Variants in MICAL3 observed in about 807,000 individuals in gnomAD.
MICAL3 encodes [F-actin]-monooxygenase MICAL3.
Under a neutral mutation model 207.4 loss-of-function variants are expected in MICAL3, and 62 were observed. The observed-to-expected ratio is 0.30, with a 90% CI of 0.24 to 0.37. MICAL3 has a LOEUF of 0.37. Ranked by LOEUF, MICAL3 falls within the 10% of genes least tolerant of loss-of-function variation. The probability of loss-of-function intolerance (pLI) is 1.00; values close to 1 mark genes in which losing one functional copy is unlikely to be tolerated. For synonymous variants in MICAL3, 1,077 were observed against 1,069.3 expected (o/e 1.01, Z -0.14); for missense variants, 2,368 against 2,635.6 (o/e 0.90, Z 2.22).
In MICAL3 at chr22:17,900,344, C is replaced by T. The variant is rs1420246768; in HGVS notation, c.847+498G>A. On this transcript the variant is annotated intron_variant, in intron 6 of 31. Coordinates refer to ENST00000441493, the MANE Select transcript of MICAL3 (RefSeq NM_015241.3). The surrounding 1 kb of genome is among the most constrained non-coding windows in gnomAD (Gnocchi z 4.0). ...AAACCTCAGGCTGGGTGTGGTGGCT[C>T]ACGCTTGTAATCCTAGCACTTTGGG... is the stretch of plus-strand genomic sequence containing the variant. Among the ~76,000 whole-genome samples, 2 of 152,190 alleles carry T rather than the reference C, an allele frequency of 1.3e-5. No homozygotes were observed. The highest frequency in any genetic ancestry group is 2.9e-5 in the Non-Finnish European group (2 of 68,026).
At chr22:17,956,499 G>A (rs111783879) in intron 1 of MICAL3, among the ~76,000 whole-genome samples, 2,519 of 152,258 alleles carry the variant, frequency 0.017, 69 homozygotes, top group African/African-American at 0.054. Flanking sequence ...GAGAAACCCC[G>A]TCTCTACTAA....
rs796771583 is a variant in MICAL3, at chr22:17,972,322, TG to T, written c.-75+51958del. 6.6e-5 allele frequency among the ~76,000 whole-genome samples: 10 copies of T among 152,274 alleles called. No individual in the cohort carries two copies. The South Asian group carries it at 1.0e-3, about 16-fold the overall frequency. ...GAAATGTTCAAGTCACATGGTCCAC[TG>T]GAAGGGGAAATAATTCCCAGGTAAG... is the stretch of plus-strand genomic sequence containing the variant. On this transcript the variant is annotated intron_variant, in intron 1 of 31. Coordinates refer to ENST00000441493, the MANE Select transcript of MICAL3 (RefSeq NM_015241.3).
intron 1 of MICAL3, among the ~76,000 whole-genome samples, chr22:18,018,762 A>G (rs1332245567): frequency 6.6e-6 from 1 of 151,434 alleles, no homozygotes; most frequent in East Asian, 1.9e-4. Context: ...CTATCTATCT[A>G]TCTATCTACA....
chr22:17,792,771 G>A (rs1031311909), intron 29 of MICAL3, among the ~76,000 whole-genome samples: 7 of 152,242 alleles, frequency 4.6e-5, no homozygotes, highest in Admixed American at 1.3e-4. Context: ...CTCCTCTGAA[G>A]GACGGAAACC....
At chr22:17,847,262 C>T (rs566750661) in intron 19 of MICAL3, among the ~76,000 whole-genome samples, 1 of 152,242 alleles carries the variant, frequency 6.6e-6, no homozygotes, top group Non-Finnish European at 1.5e-5. Flanking sequence ...TCTTCTGCCT[C>T]TTTCTGGCCT....
chr22:17,791,368 C>G, intron 29 of MICAL3, 67 bp from the exon 30 acceptor site: 1 of 1,359,366 alleles, frequency 7.4e-7, no homozygotes, highest in South Asian at 1.2e-5. Flanking sequence ...AGGAATCACA[C>G]GGGGCAAATG....
intron 1 of MICAL3, among the ~76,000 whole-genome samples, chr22:18,023,372 A>C (rs989368570): frequency 5.9e-5 from 9 of 152,180 alleles, no homozygotes; most frequent in Non-Finnish European, 1.2e-4. Flanking sequence ...AGAGCTAATG[A>C]ATAGCACCAC....
At chr22:17,811,531 C>T (rs1309335597) in intron 27 of MICAL3, 1 of 152,224 alleles carries the variant, frequency 6.6e-6, no homozygotes, top group African/African-American at 2.4e-5. Flanking sequence ...GGCTGTTGCG[C>T]CTAGCGCCAT....
At chr22:17,973,192 G>A (rs1049967486) in intron 1 of MICAL3, among the ~76,000 whole-genome samples, 2 of 152,198 alleles carry the variant, frequency 1.3e-5, no homozygotes, top group African/African-American at 2.4e-5. Context: ...AGACAGAGGC[G>A]CTGCTACCAC....
chr22:17,840,114 C>T (rs1460225831), intron 20 of MICAL3: 1 of 151,374 alleles, frequency 6.6e-6, no homozygotes, highest in East Asian at 1.9e-4. Flanking sequence ...GATGGAGTCT[C>T]ATTCTGTCAC....
intron 1 of MICAL3, among the ~76,000 whole-genome samples, chr22:17,963,751 C>T (rs746911028): frequency 1.3e-5 from 2 of 152,178 alleles, no homozygotes; most frequent in Non-Finnish European, 2.9e-5. Flanking sequence ...CCAGGAGGGT[C>T]GCTTCTGTGT....
intron 1 of MICAL3, among the ~76,000 whole-genome samples, chr22:17,911,171 G>A (rs966742507): frequency 6.6e-6 from 1 of 152,132 alleles, no homozygotes; most frequent in African/African-American, 2.4e-5. Flanking sequence ...CTGCAGAGAC[G>A]GCCTCTGAAG....
At chr22:17,983,709 C>T (rs1936030627) in intron 1 of MICAL3, 4 of 152,720 alleles carry the variant, frequency 2.6e-5, no homozygotes, top group Admixed American at 2.6e-4. Flanking sequence ...CCTGTCCTCA[C>T]CACCCCACCC....
At chr22:17,814,306 CTA>C (rs1475796082) in intron 27 of MICAL3, 1 of 152,242 alleles carries the variant, frequency 6.6e-6, no homozygotes, top group Admixed American at 6.5e-5. Flanking sequence ...CACGCTTCAT[CTA>C]TATGTCATCT....
chr22:17,947,161 C>T (rs1354033249), intron 1 of MICAL3, among the ~76,000 whole-genome samples: 2 of 152,234 alleles, frequency 1.3e-5, no homozygotes, highest in African/African-American at 2.4e-5. Context: ...CCCCTCTCCC[C>T]ACTTCGTTCT....
At chr22:17,797,900 G>A (rs1473157489) in intron 29 of MICAL3, among the ~76,000 whole-genome samples, 1 of 152,220 alleles carries the variant, frequency 6.6e-6, no homozygotes, top group Non-Finnish European at 1.5e-5. Context: ...TGGCCCCGGG[G>A]ACCTGCCTCA....
intron 28 of MICAL3, among the ~76,000 whole-genome samples, chr22:17,810,054 A>ATTT (rs758573402): frequency 2.0e-4 from 19 of 97,056 alleles, no homozygotes; most frequent in African/African-American, 6.8e-4. Context: ...ATGCCTGGCT[A>ATTT]TTTTTTTTTT....
intron 20 of MICAL3, among the ~76,000 whole-genome samples, chr22:17,833,467 C>T (rs1028946571): frequency 5.3e-5 from 8 of 152,324 alleles, no homozygotes; most frequent in Admixed American, 3.3e-4. Flanking sequence ...TCTCCCCTAG[C>T]CTGCTTGTGT....
At chr22:17,823,914 C>T (rs1408582077) in intron 22 of MICAL3, among the ~76,000 whole-genome samples, 1 of 152,172 alleles carries the variant, frequency 6.6e-6, no homozygotes, top group African/African-American at 2.4e-5. Flanking sequence ...GCAGGGGCAC[C>T]AGATGAGCTT....
Sources: allele counts gnomAD v4.1 joint callset (sites outside exome capture counted in the v4.1 genomes callset), GRCh38; gene constraint gnomAD v4.1.1; non-coding constraint Gnocchi (gnomAD v3.1); transcripts MANE v1.5; gene names NCBI Gene and HGNC (gene_info 2026-07-23, HGNC 2026-07-21).